The following BMPR1B variants were observed in gnomAD, a reference collection of about 807,000 sequenced individuals.
BMPR1B encodes the protein bone morphogenetic protein receptor type 1B.
A neutral mutation model predicts 59.1 loss-of-function variants in BMPR1B; 12 were observed. That is an observed-to-expected ratio of 0.20 (90% CI 0.13 to 0.33). BMPR1B has a LOEUF of 0.33. Ranked by LOEUF, BMPR1B falls within the 10% of genes least tolerant of loss-of-function variation. BMPR1B has a pLI of 1.00. For synonymous variants in BMPR1B, 237 were observed against 207.3 expected, an observed-to-expected ratio of 1.14 and a Z score of -1.23; for missense variants, 550 against 610.9, an observed-to-expected ratio of 0.90 and a Z score of 1.05.
intron 10 of BMPR1B, among the ~76,000 whole-genome samples, chr4:95,133,176 C>A (rs1206844329): frequency 6.6e-6 from 1 of 152,144 alleles, no homozygotes; most frequent in East Asian, 1.9e-4. Flanking sequence ...TGTGGGCCTT[C>A]TATACCATTT....
chr4:94,819,860 A>G (rs144362250), intron 1 of BMPR1B, among the ~76,000 whole-genome samples: 1 of 152,336 alleles, frequency 6.6e-6, no homozygotes, highest in African/African-American at 2.4e-5. Context: ...AATTCACCTA[A>G]TGAAATATTT....
chr4:95,120,683 C>CT (rs1185524464), intron 6 of BMPR1B, among the ~76,000 whole-genome samples: 7 of 142,786 alleles, frequency 4.9e-5, no homozygotes, highest in Admixed American at 1.5e-4. Context: ...CTTTTCTTTT[C>CT]TTTCTTTCTT....
chr4:95,147,371 G>T (rs1290208175), intron 10 of BMPR1B, among the ~76,000 whole-genome samples: 3 of 152,160 alleles, frequency 2.0e-5, no homozygotes. Flanking sequence ...ATTTCATGTT[G>T]TAGAAGTGGT....
chr4:95,154,100 G>C (rs1735244066), intron 12 of BMPR1B, among the ~76,000 whole-genome samples: 1 of 152,190 alleles, frequency 6.6e-6, no homozygotes, highest in South Asian at 2.1e-4. Flanking sequence ...TAGTGATGCT[G>C]TGCACAGGTC....
At chr4:94,901,278 C>G (rs918423610) in intron 2 of BMPR1B, among the ~76,000 whole-genome samples, 22 of 151,908 alleles carry the variant, frequency 1.4e-4, no homozygotes, top group Non-Finnish European at 3.1e-4. Flanking sequence ...ATCAGAATGC[C>G]TCACCTGTAA....
chr4:94,980,574 A>G (rs921583924), intron 2 of BMPR1B, among the ~76,000 whole-genome samples: 1 of 152,084 alleles, frequency 6.6e-6, no homozygotes, highest in African/African-American at 2.4e-5. Flanking sequence ...CATTAGGTGA[A>G]TTGGCATATG....
intron 3 of BMPR1B, among the ~76,000 whole-genome samples, chr4:95,048,113 G>A (rs1481470483): frequency 1.3e-5 from 2 of 152,098 alleles, no homozygotes; most frequent in African/African-American, 4.8e-5. Context: ...CTGCATCAAT[G>A]TTGCTATGGT....
At chr4:95,139,225 C>T (rs1734031960) in intron 10 of BMPR1B, among the ~76,000 whole-genome samples, 1 of 152,202 alleles carries the variant, frequency 6.6e-6, no homozygotes, top group South Asian at 2.1e-4. Flanking sequence ...GGCTGCAGAA[C>T]AGCAAATATT....
At chr4:94,766,857 T>C (rs1010541483) in intron 1 of BMPR1B, among the ~76,000 whole-genome samples, 12 of 152,160 alleles carry the variant, frequency 7.9e-5, no homozygotes, top group Non-Finnish European at 1.8e-4. Flanking sequence ...CTTCAGATGA[T>C]TGGTAATCTA....
Position 95,157,607 on chromosome 4 carries a change from T to C in BMPR1B, c.*2934T>C, listed in dbSNP as rs1735510168. 2 of 151,466 alleles carry C rather than the reference T, an allele frequency of 1.3e-5. No individual in the cohort carries two copies. The highest frequency in any genetic ancestry group is 3.9e-4 in the East Asian group (2 of 5,162). 9.4% of individuals were successfully genotyped at this position (151,466 alleles called of 1,614,324 possible). On this transcript the variant is annotated 3_prime_UTR_variant, in exon 13 of 13. Transcript: ENST00000515059. ...CTAAGATATTCAGGTTTATAGTTTA[T>C]GTATGTGTGTATATATATAAATATA...
chr4:94,766,234 G>T (rs1578618672), intron 1 of BMPR1B, among the ~76,000 whole-genome samples: 1 of 152,078 alleles, frequency 6.6e-6, no homozygotes, highest in East Asian at 1.9e-4. Flanking sequence ...ATTTTTCCCT[G>T]TGTATATCAT....
intron 3 of BMPR1B, among the ~76,000 whole-genome samples, chr4:95,076,854 A>G (rs188924476): frequency 9.9e-5 from 15 of 152,270 alleles, no homozygotes; most frequent in African/African-American, 3.1e-4. Context: ...TCTAATTAGA[A>G]TAAGGTATGG....
intron 9 of BMPR1B, among the ~76,000 whole-genome samples, chr4:95,130,854 C>T (rs1039214799): frequency 3.3e-5 from 5 of 150,952 alleles, no homozygotes; most frequent in African/African-American, 4.9e-5. Flanking sequence ...CTTAGCTTCC[C>T]GAGTAGTTGG....
At chr4:94,802,908 A>C (rs151097939) in intron 1 of BMPR1B, among the ~76,000 whole-genome samples, 1 of 152,234 alleles carries the variant, frequency 6.6e-6, no homozygotes, top group East Asian at 1.9e-4. Context: ...CTCTTCTCCA[A>C]GATGGGGAGG....
At chr4:95,092,683 T>A (rs1730078550) in intron 3 of BMPR1B, among the ~76,000 whole-genome samples, 1 of 152,140 alleles carries the variant, frequency 6.6e-6, no homozygotes. Context: ...ATGGTAAGGA[T>A]TAGGAGCAGA....
chr4:95,093,500 T>C (rs1730147433), intron 3 of BMPR1B, among the ~76,000 whole-genome samples: 1 of 152,130 alleles, frequency 6.6e-6, no homozygotes, highest in Non-Finnish European at 1.5e-5. Flanking sequence ...AATGTTTGTG[T>C]TGTCTGTTGA....
chr4:94,849,351 A>G lies in BMPR1B; in HGVS notation c.-182-26480A>G, dbSNP rs114495818. ...AGAGTCAACGGGTGCCCTTGACAAA[A>G]GCAAGTTGGAGTGTTGAGGGACGCC... On this transcript the variant is annotated intron_variant, in intron 1 of 12. Coordinates refer to ENST00000515059, the MANE Select transcript of BMPR1B (RefSeq NM_001203.3). Among the ~76,000 whole-genome samples, 638 of 152,256 alleles carry G rather than the reference A, an allele frequency of 4.2e-3. 4 individuals are homozygous for G. Among genetic ancestry groups the G allele is most frequent in the African/African-American group, 0.015 (613 of 41,540 alleles).
chr4:95,111,565 T>TA (rs1308613116), intron 4 of BMPR1B, among the ~76,000 whole-genome samples: 1 of 152,126 alleles, frequency 6.6e-6, no homozygotes, highest in Non-Finnish European at 1.5e-5. Context: ...TTGACCATAA[T>TA]AAATGAAATA....
At chr4:95,001,899 C>G (rs1395285347) in intron 3 of BMPR1B, among the ~76,000 whole-genome samples, 1 of 152,108 alleles carries the variant, frequency 6.6e-6, no homozygotes, top group Non-Finnish European at 1.5e-5. Context: ...TGGCTCCATC[C>G]ATTCTTATTA....
Sources: allele counts gnomAD v4.1 joint callset (sites outside exome capture counted in the v4.1 genomes callset), GRCh38; gene constraint gnomAD v4.1.1; transcripts MANE v1.5; gene names NCBI Gene and HGNC (gene_info 2026-07-23, HGNC 2026-07-21).